DNAH3: variants seen among roughly 807,000 people sequenced by gnomAD.
DNAH3 encodes the protein axonemal beta dynein heavy chain 3.
A neutral mutation model predicts 432.5 loss-of-function variants in DNAH3; 332 were observed. The ratio of observed to expected loss-of-function variants is 0.77; its 90% CI spans 0.70 to 0.84. The LOEUF (loss-of-function observed/expected upper bound fraction) is 0.84, where lower values mean the gene tolerates loss of function less well. Ranked by LOEUF, DNAH3 falls within the 40% of genes least tolerant of loss-of-function variation. The pLI, the probability that DNAH3 is intolerant of heterozygous loss-of-function variation, is 0.00. For missense variants in DNAH3, 4,861 were observed against 5,114.0 expected (o/e 0.95, Z 1.51); for synonymous variants, 1,956 against 1,900.2 (o/e 1.03, Z -0.76).
intron 4 of DNAH3, 136 bp from the exon 6 acceptor site, chr16:21,140,846 T>C: frequency 1.4e-6 from 1 of 698,992 alleles, no homozygotes; most frequent in Non-Finnish European, 2.4e-6. Flanking sequence ...TAATGGCATG[T>C]GTGTATACTT....
intron 19 of DNAH3, among the ~76,000 whole-genome samples, chr16:21,085,580 T>G (rs140383708): frequency 1.3e-5 from 2 of 149,498 alleles, no homozygotes; most frequent in East Asian, 2.0e-4. Flanking sequence ...ACAGCCTATC[T>G]CTTGTCTATA....
At chr16:20,993,790 C>T (rs1211190190) in intron 44 of DNAH3, among the ~76,000 whole-genome samples, 1 of 152,002 alleles carries the variant, frequency 6.6e-6, no homozygotes, top group Non-Finnish European at 1.5e-5. Context: ...CTCAAGCGAT[C>T]CTCCCACCTT....
intron 57 of DNAH3, among the ~76,000 whole-genome samples, chr16:20,947,046 A>T (rs569399532): frequency 5.9e-5 from 9 of 151,818 alleles, no homozygotes; most frequent in African/African-American, 9.7e-5. Context: ...GCTGGTCTCA[A>T]ACTCCTGACC....
At chr16:21,119,458 CCT>C (rs996425558) in intron 11 of DNAH3, among the ~76,000 whole-genome samples, 1 of 151,942 alleles carries the variant, frequency 6.6e-6, no homozygotes, top group Admixed American at 6.6e-5. Context: ...GTGGCGGAAC[CCT>C]GTCTCTACAA....
chr16:20,987,494 T>C, intron 46 of DNAH3, 46 bp from the exon 47 acceptor site: 1 of 1,610,034 alleles, frequency 6.2e-7, no homozygotes, highest in Non-Finnish European at 8.5e-7. Flanking sequence ...AGATGGTCCC[T>C]GAGGTGGTAG....
At chr16:21,125,832 G>A (rs1040322731) in intron 8 of DNAH3, among the ~76,000 whole-genome samples, 4 of 152,188 alleles carry the variant, frequency 2.6e-5, no homozygotes, top group African/African-American at 7.2e-5. Context: ...CTCAGAAGTT[G>A]ATGGTAGAAA....
intron 23 of DNAH3, 70 bp from the exon 24 acceptor site, chr16:21,067,489 ATG>A: frequency 6.5e-7 from 1 of 1,544,898 alleles, no homozygotes. Flanking sequence ...ATTGTATTGA[ATG>A]TGTGACCTAT....
At chr16:21,035,963 G>A (rs980772913) in intron 35 of DNAH3, among the ~76,000 whole-genome samples, 4 of 152,126 alleles carry the variant, frequency 2.6e-5, no homozygotes, top group Non-Finnish European at 4.4e-5. Context: ...ATAGTATCAG[G>A]TACTATGTGT....
chr16:21,097,040 C>T (rs2091703072), intron 18 of DNAH3, among the ~76,000 whole-genome samples: 2 of 152,126 alleles, frequency 1.3e-5, no homozygotes, highest in Admixed American at 1.3e-4. Context: ...GTCTATGGCA[C>T]CCTGGCACCC....
At chr16:21,081,696 G>A (rs755980166) in exon 20 of DNAH3, 6 of 1,613,766 alleles carry the variant, frequency 3.7e-6, no homozygotes, top group Non-Finnish European at 5.1e-6. Context: ...CGTTTCGGTG[G>A]GCTTTATCTC....
intron 1 of DNAH3, among the ~76,000 whole-genome samples, chr16:21,157,823 G>A (rs2092909242): frequency 6.6e-6 from 1 of 151,448 alleles, no homozygotes; most frequent in African/African-American, 2.4e-5. Flanking sequence ...CACACAGTAA[G>A]TTGCCATCAT....
At chr16:21,042,271 G>C (rs2152733965) in intron 31 of DNAH3, 68 bp from the exon 32 acceptor site, 3 of 1,471,662 alleles carry the variant, frequency 2.0e-6, no homozygotes, top group Non-Finnish European at 2.7e-6. Flanking sequence ...CTCTACCGGA[G>C]TCCTCCCACA....
intron 52 of DNAH3, among the ~76,000 whole-genome samples, chr16:20,968,608 C>T (rs2085166901): frequency 6.6e-6 from 1 of 152,088 alleles, no homozygotes; most frequent in Admixed American, 6.6e-5. Context: ...CTTCCTCCTT[C>T]CCCATTCCTT....
At chr16:21,069,641 C>T (rs2090709190) in intron 22 of DNAH3, 47 bp from the exon 23 acceptor site, 1 of 1,519,164 alleles carries the variant, frequency 6.6e-7, no homozygotes, top group Non-Finnish European at 9.0e-7. Flanking sequence ...TGCCACTCTG[C>T]ATCACAGGCC....
chr16:21,082,024 C>G (rs2091206575), intron 19 of DNAH3, among the ~76,000 whole-genome samples: 1 of 151,702 alleles, frequency 6.6e-6, no homozygotes, highest in Non-Finnish European at 1.5e-5. Context: ...ATCAGCCTCC[C>G]CAGTAGCTGG....
At chr16:20,937,467 T>C (rs1662771978) in intron 59 of DNAH3, among the ~76,000 whole-genome samples, 1 of 152,072 alleles carries the variant, frequency 6.6e-6, no homozygotes. Flanking sequence ...TTATTAAAAA[T>C]ATTTCTAGGT....
intron 8 of DNAH3, 137 bp downstream of exon 9, chr16:21,127,550 G>GT: frequency 9.5e-7 from 1 of 1,052,980 alleles, no homozygotes; most frequent in Non-Finnish European, 1.4e-6. Context: ...GACAGAAAGA[G>GT]ACTCTGTCTC....
intron 1 of DNAH3, among the ~76,000 whole-genome samples, chr16:21,152,153 G>T (rs1479801856): frequency 6.6e-6 from 1 of 152,030 alleles, no homozygotes; most frequent in East Asian, 1.9e-4. Flanking sequence ...AGAATCGCTT[G>T]AACCTGGGAG....
chr16:20,969,708 T>C lies in DNAH3; in HGVS notation c.8458+84A>G. On this transcript the variant is annotated intron_variant, in intron 52 of 61. Transcript: ENST00000261383. The stretch of plus-strand genomic sequence containing the variant: ...AGTGATCTTGCCTGCACGCCTGCAG[T>C]CGACTTGGGGATGCAGTGGGTGCTG... 2.0e-6 allele frequency: 3 copies of C among 1,479,198 alleles called. No homozygotes were observed. In the South Asian group the frequency reaches 3.4e-5, roughly 17 times the overall value. The allele number at this position is 1,479,198 out of a possible 1,614,324, so 91.6% of individuals were successfully genotyped here. A position where few individuals can be genotyped will look rare whatever the true frequency, so the allele number is the denominator to read the frequency against.
Sources: allele counts gnomAD v4.1 joint callset (sites outside exome capture counted in the v4.1 genomes callset), GRCh38; gene constraint gnomAD v4.1.1; transcripts MANE v1.5; gene names NCBI Gene and HGNC (gene_info 2026-07-23, HGNC 2026-07-21).